DAGLA: variants seen among roughly 807,000 people sequenced by gnomAD.
DAGLA encodes the protein diacylglycerol lipase-alpha.
In DAGLA, 22 loss-of-function variants were observed where a neutral mutation model predicts 102.6. The ratio of observed to expected loss-of-function variants is 0.21; its 90% CI spans 0.15 to 0.31. DAGLA has a LOEUF of 0.31. Among genes scored for constraint, DAGLA ranks in the 10% least tolerant of loss-of-function variants. DAGLA has a pLI of 1.00. For synonymous variants in DAGLA, 578 were observed against 628.9 expected (o/e 0.92, Z 1.21); for missense variants, 927 against 1,446.6 (o/e 0.64, Z 5.83).
chr11:61,733,001 C>G (rs373456355), intron 9 of DAGLA, among the ~76,000 whole-genome samples: 1 of 152,208 alleles, frequency 6.6e-6, no homozygotes, highest in Non-Finnish European at 1.5e-5. Context: ...GCCCACACAT[C>G]ACTGACTCAG....
Position 61,737,220 on chromosome 11 carries a change from C to T in DAGLA, c.1410C>T (p.Gly470=). The change falls in exon 14 of 20, where the codon GGC becomes GGT. Residue 470 remains glycine (G), a synonymous_variant. Transcript: ENST00000257215. ...AACACTACGGCCTGATTGTGGTGGG[C>T]CACTCCCTGGGCGCGGGCACTGCTG... is the stretch of plus-strand genomic sequence containing the variant. ...GTKHYGLIVV[G]HSLGAGTAAI... 1 of 1,613,344 alleles carries T rather than the reference C, an allele frequency of 6.2e-7. No individual in the cohort carries two copies.
chr11:61,745,316 G>T lies in DAGLA; in HGVS notation c.*827G>T, dbSNP rs1295709082. On this transcript the variant is annotated 3_prime_UTR_variant, in exon 20 of 20. Coordinates refer to ENST00000257215, the MANE Select transcript of DAGLA (RefSeq NM_006133.3). ...CACTGCTGTGACCACCCCAGCTGCA[G>T]AGTCAGTGCCCTGGGTGGAAGGAAG... 1 of 152,502 alleles carries T rather than the reference G, an allele frequency of 6.6e-6. No individual in the cohort carries two copies. The highest frequency in any genetic ancestry group is 1.9e-4 in the East Asian group (1 of 5,312). 9.4% of individuals were successfully genotyped at this position (152,502 alleles called of 1,614,324 possible). A position where few individuals can be genotyped will look rare whatever the true frequency, so the allele number is the denominator to read the frequency against.
chr11:61,707,182 G>A (rs1212447530), intron 1 of DAGLA, among the ~76,000 whole-genome samples: 4 of 152,254 alleles, frequency 2.6e-5, no homozygotes, highest in African/African-American at 4.8e-5. Context: ...GGGCTGTGCC[G>A]AGCATGTGGC....
At chr11:61,720,592 T>G (rs1375612927) in intron 2 of DAGLA, 87 bp from the exon 3 acceptor site, 2 of 1,261,694 alleles carry the variant, frequency 1.6e-6, no homozygotes, top group East Asian at 4.8e-5. Context: ...TTCCACTGAA[T>G]CTGGGCTGGG....
In DAGLA at chr11:61,743,669, T is replaced by G; in HGVS notation, c.2309T>G (p.Leu770Arg). 3 of 1,600,352 alleles carry G rather than the reference T, an allele frequency of 1.9e-6. No individual in the cohort carries two copies. The highest frequency in any genetic ancestry group is 2.6e-6 in the Non-Finnish European group (3 of 1,176,236). ...LSTQERLAAE[L>R]QARRAPLATM... ...ACCCAGGAGCGGCTGGCGGCGGAGC[T>G]GCAGGCCCGGCGGGCACCACTGGCC... The change falls in exon 20 of 20, where the codon CTG (leucine) becomes CGG (arginine). Residue 770 changes from leucine to arginine, a missense_variant. Around this residue, in one of 4 missense-constraint regions of DAGLA, gnomAD observed 434 missense variants for 503.3 expected, o/e 0.86. Coordinates refer to ENST00000257215, the MANE Select transcript of DAGLA (RefSeq NM_006133.3).
intron 1 of DAGLA, among the ~76,000 whole-genome samples, chr11:61,680,809 G>A (rs1402166651): frequency 6.6e-6 from 1 of 152,094 alleles, no homozygotes; most frequent in East Asian, 1.9e-4. Flanking sequence ...ACGCAGGTGT[G>A]AGGTGGTGCA....
At chr11:61,683,977 C>G (rs1469334249) in intron 1 of DAGLA, among the ~76,000 whole-genome samples, 1 of 152,252 alleles carries the variant, frequency 6.6e-6, no homozygotes, top group Non-Finnish European at 1.5e-5. Context: ...CTTTCCTCAG[C>G]TCCTGGCAAT....
At chr11:61,727,852 A>T (rs906973371) in intron 6 of DAGLA, among the ~76,000 whole-genome samples, 3 of 152,218 alleles carry the variant, frequency 2.0e-5, no homozygotes, top group Non-Finnish European at 4.4e-5. Context: ...GAAAGCAAAA[A>T]GGAGTGGCTC....
intron 7 of DAGLA, among the ~76,000 whole-genome samples, chr11:61,728,715 G>T (rs1247865440): frequency 2.0e-5 from 3 of 152,234 alleles, no homozygotes; most frequent in Non-Finnish European, 4.4e-5. Context: ...GTCCTCAGGG[G>T]CTTGATGTTT....
chr11:61,688,460 G>A (rs552866730), intron 1 of DAGLA, among the ~76,000 whole-genome samples: 1 of 152,330 alleles, frequency 6.6e-6, no homozygotes, highest in East Asian at 1.9e-4. Flanking sequence ...CCCGGCAGAT[G>A]AATTCTGCAG....
chr11:61,709,305 C>T (rs897843239), intron 1 of DAGLA, among the ~76,000 whole-genome samples: 3 of 152,172 alleles, frequency 2.0e-5, no homozygotes, highest in Non-Finnish European at 4.4e-5. Context: ...AGTGCAATGT[C>T]GCAATCTTCG....
At chr11:61,705,778 T>G (rs1043705540) in intron 1 of DAGLA, among the ~76,000 whole-genome samples, 1 of 152,202 alleles carries the variant, frequency 6.6e-6, no homozygotes, top group Non-Finnish European at 1.5e-5. Flanking sequence ...AACTTGACTT[T>G]AACCAGATTT....
intron 1 of DAGLA, among the ~76,000 whole-genome samples, chr11:61,713,787 T>G (rs2095360948): frequency 6.6e-6 from 1 of 152,200 alleles, no homozygotes; most frequent in Non-Finnish European, 1.5e-5. Flanking sequence ...CCAGCCTCAC[T>G]GTGCTGAGTC....
chr11:61,740,098 G>A (rs999034555), intron 17 of DAGLA, among the ~76,000 whole-genome samples: 5 of 152,224 alleles, frequency 3.3e-5, no homozygotes, highest in East Asian at 3.9e-4. Flanking sequence ...CAGGCAAGTG[G>A]GTAGACCTTT....
Position 61,743,927 on chromosome 11 carries a change from T to A in DAGLA, c.2567T>A (p.Leu856Gln), listed in dbSNP as rs752938483. Residue 856 changes from leucine (L) to glutamine (Q), a missense_variant, in exon 20 of 20, where the codon CTG (leucine) becomes CAG (glutamine). This residue lies in a region of DAGLA where 434 missense variants were observed against 503.3 expected (regional missense o/e 0.86). Transcript: ENST00000257215. ...LSKHSQDTQPLEAALGSGGVT... is the reference protein window; with the variant it reads ...LSKHSQDTQPQEAALGSGGVT... Reference sequence around the variant, plus strand: ...AAGCACTCACAGGACACGCAGCCCCTGGAGGCGGCCCTGGGCAGTGGCGGC... The same window carrying A: ...AAGCACTCACAGGACACGCAGCCCCAGGAGGCGGCCCTGGGCAGTGGCGGC... 8 of 1,612,150 alleles carry A rather than the reference T, an allele frequency of 5.0e-6. No individual in the cohort carries two copies. The South Asian group carries it at 8.8e-5, about 18-fold the overall frequency.
chr11:61,713,840 G>A (rs2065213737), intron 1 of DAGLA, among the ~76,000 whole-genome samples: 1 of 152,190 alleles, frequency 6.6e-6, no homozygotes, highest in African/African-American at 2.4e-5. Context: ...AAGCTCCAGT[G>A]CCCAACAAGG....
chr11:61,736,306 CTG>C lies in DAGLA; in HGVS notation c.1328_1329del (p.Leu443ArgfsTer63). The part of the protein sequence containing the change: ...VLSAEYIKKK[L>X]EQEMVLSQAF... ...CTCAGCTGAGTACATCAAGAAGAAACTGGAGCAGGAGATGGTCCTGTCCCAGG... is the reference window on the plus strand; with the variant it reads ...CTCAGCTGAGTACATCAAGAAGAAACGAGCAGGAGATGGTCCTGTCCCAGG... On this transcript the variant is annotated frameshift_variant, in exon 13 of 20. Transcript: ENST00000257215. LOFTEE classifies it high-confidence loss of function. 6.2e-7 allele frequency: 1 copy of C among 1,614,190 alleles called. No homozygotes were observed. Among genetic ancestry groups the C allele is most frequent in the Non-Finnish European group, 8.5e-7 (1 of 1,180,016 alleles).
chr11:61,701,448 C>A (rs1591029721), intron 1 of DAGLA, among the ~76,000 whole-genome samples: 1 of 152,218 alleles, frequency 6.6e-6, no homozygotes, highest in African/African-American at 2.4e-5. Flanking sequence ...CAGGCACCTG[C>A]TGTCTTCCTC....
chr11:61,734,816 C>T lies in DAGLA; in HGVS notation c.975-33C>T, dbSNP rs748774065. The T allele has an allele frequency of 4.4e-6, 7 of 1,596,300 alleles. No individual in the cohort carries two copies. In the East Asian group the frequency reaches 9.0e-5, roughly 21 times the overall value. ...AGACATTTGTTCCCTCGGGGACTCC[C>T]TGGCCCTGAACTCTCTTGTCACCCC... On this transcript the variant is annotated intron_variant, in intron 9 of 19. Transcript: ENST00000257215. This position sits in a 1 kb window ranked among gnomAD's most constrained non-coding sequence, Gnocchi z 4.2.
Sources: gnomAD v4.1 joint callset for allele counts (sites outside exome capture counted in the v4.1 genomes callset) on GRCh38, gnomAD v4.1.1 for gene constraint, gnomAD v4.1.1 regional missense constraint, Gnocchi (gnomAD v3.1) non-coding constraint, MANE v1.5 for transcripts, NCBI Gene and HGNC (gene_info 2026-07-23, HGNC 2026-07-21) for gene names.